MYH10: variants seen among roughly 807,000 people sequenced by gnomAD.
MYH10 encodes the protein myosin-10.
MYH10 carries 55 observed loss-of-function variants against 257.8 expected under a neutral mutation model. The observed-to-expected ratio is 0.21, with a 90% CI of 0.17 to 0.27. The LOEUF (loss-of-function observed/expected upper bound fraction) is 0.27, where lower values mean the gene tolerates loss of function less well. Among genes scored for constraint, MYH10 ranks in the 10% least tolerant of loss-of-function variants. MYH10 has a pLI of 1.00. For synonymous variants in MYH10, 854 were observed against 921.7 expected, an observed-to-expected ratio of 0.93 and a Z score of 1.33; for missense variants, 1,631 against 2,500.6, an observed-to-expected ratio of 0.65 and a Z score of 7.42.
chr17:8,487,014 C>G (rs748578045), intron 36 of MYH10, among the ~76,000 whole-genome samples: 18 of 152,190 alleles, frequency 1.2e-4, no homozygotes, highest in Non-Finnish European at 2.1e-4. Flanking sequence ...CTGCTCACAC[C>G]ATGAACTCTT....
chr17:8,607,785 G>A (rs1211835286), intron 2 of MYH10, among the ~76,000 whole-genome samples: 3 of 152,112 alleles, frequency 2.0e-5, no homozygotes, highest in African/African-American at 7.2e-5. Context: ...ACAAATAGAC[G>A]CACACTAAAC....
chr17:8,494,098 G>A (rs1916197471), intron 31 of MYH10, among the ~76,000 whole-genome samples: 2 of 152,166 alleles, frequency 1.3e-5, no homozygotes, highest in Admixed American at 1.3e-4. Context: ...TCTGAAAAAC[G>A]AATGGCGGCG....
intron 35 of MYH10, 65 bp from the exon 36 acceptor site, chr17:8,487,659 G>A (rs967079266): frequency 7.6e-6 from 12 of 1,585,606 alleles, no homozygotes; most frequent in African/African-American, 2.7e-5. Flanking sequence ...CAGGCAGACT[G>A]TTCTCAAGTG....
rs1282174280 is a variant in MYH10, at chr17:8,475,107, C to T, written c.*697G>A. ...CTCAGCTGCAGTGTGGCCACTATCCCTTCTATGCACAGACCAGCCCTCGCC... is the reference window on the plus strand; with the variant it reads ...CTCAGCTGCAGTGTGGCCACTATCCTTTCTATGCACAGACCAGCCCTCGCC... On this transcript the variant is annotated 3_prime_UTR_variant, in exon 43 of 43. Transcript: ENST00000360416. 1 of 152,332 alleles carries T rather than the reference C, an allele frequency of 6.6e-6. No homozygotes were observed. The highest frequency in any genetic ancestry group is 2.4e-5 in the African/African-American group (1 of 41,454). 9.4% of individuals were successfully genotyped at this position (152,332 alleles called of 1,614,324 possible).
At chr17:8,512,755 T>C in intron 23 of MYH10, 98 bp from the exon 24 acceptor site, 1 of 924,250 alleles carries the variant, frequency 1.1e-6, no homozygotes, top group East Asian at 2.7e-5. Context: ...TCAAAGAAAC[T>C]GGGAGATAAA....
At chr17:8,612,772 A>G (rs1296952895) in intron 2 of MYH10, among the ~76,000 whole-genome samples, 1 of 151,886 alleles carries the variant, frequency 6.6e-6, no homozygotes, top group Non-Finnish European at 1.5e-5. Flanking sequence ...AATTGCTTGA[A>G]CTGGCAGGTG....
At chr17:8,550,865 A>G (rs1424892695) in intron 9 of MYH10, among the ~76,000 whole-genome samples, 1 of 152,030 alleles carries the variant, frequency 6.6e-6, no homozygotes, top group Non-Finnish European at 1.5e-5. Context: ...TCTCTGAAAC[A>G]TGTACTGTGT....
chr17:8,585,448 C>A (rs2083883314), intron 4 of MYH10, among the ~76,000 whole-genome samples: 1 of 151,612 alleles, frequency 6.6e-6, no homozygotes, highest in South Asian at 2.1e-4. Context: ...ACTTAATTAG[C>A]TTGGCGGTGG....
At chr17:8,571,305 G>A (rs2083333719) in intron 6 of MYH10, among the ~76,000 whole-genome samples, 1 of 151,236 alleles carries the variant, frequency 6.6e-6, no homozygotes, top group Admixed American at 6.6e-5. Context: ...CTCCCGAGTA[G>A]CTGGGACTAC....
chr17:8,519,398 G>A (rs911737916), intron 19 of MYH10, among the ~76,000 whole-genome samples: 2 of 152,078 alleles, frequency 1.3e-5, no homozygotes, highest in Non-Finnish European at 2.9e-5. Flanking sequence ...AAATATCAGG[G>A]TGACATGTGA....
At chr17:8,498,327 AT>A (rs1916987070) in intron 30 of MYH10, among the ~76,000 whole-genome samples, 2 of 151,968 alleles carry the variant, frequency 1.3e-5, no homozygotes, top group African/African-American at 4.8e-5. Flanking sequence ...GCATCAGAAG[AT>A]TTTGGTATCT....
intron 31 of MYH10, 149 bp downstream of exon 31, chr17:8,494,988 C>T (rs978080344): frequency 1.2e-5 from 7 of 606,258 alleles, no homozygotes; most frequent in African/African-American, 1.9e-5. Flanking sequence ...GGAGAAATCC[C>T]GAGTAGCAAG....
At chr17:8,524,078 A>G (rs2081753074) in intron 17 of MYH10, among the ~76,000 whole-genome samples, 1 of 152,072 alleles carries the variant, frequency 6.6e-6, no homozygotes, top group Non-Finnish European at 1.5e-5. Context: ...ACTTTTATCT[A>G]GGGGAGACCA....
intron 17 of MYH10, among the ~76,000 whole-genome samples, chr17:8,528,965 CAGAG>C (rs1386077589): frequency 1.3e-5 from 2 of 152,166 alleles, no homozygotes; most frequent in Admixed American, 1.3e-4. Context: ...GGACACCTCA[CAGAG>C]AGAGACAGAA....
In MYH10 at chr17:8,610,271, C is replaced by CAAAAAA. The variant is rs71361810; in HGVS notation, c.346-5295_346-5290dup. On this transcript the variant is annotated intron_variant, in intron 2 of 42. Transcript: ENST00000360416. ...GTTTATAGGGAGCACCATAGGATTG[C>CAAAAAA]AAAAAAAAAAAAAAAAAAAAAGGGT... Among the ~76,000 whole-genome samples, 126 of 45,972 alleles carry CAAAAAA rather than the reference C, an allele frequency of 2.7e-3. 15 individuals carry two copies. The highest frequency in any genetic ancestry group is 0.011 in the African/African-American group (112 of 9,864). The allele number at this position is 45,972 out of a possible 152,430, so 30.2% of individuals were successfully genotyped here.
At chr17:8,517,505 T>C (rs1322555709) in intron 21 of MYH10, among the ~76,000 whole-genome samples, 1 of 152,210 alleles carries the variant, frequency 6.6e-6, no homozygotes, top group Non-Finnish European at 1.5e-5. Context: ...CCCGAAGTGT[T>C]CAGTAGAAAG....
intron 17 of MYH10, among the ~76,000 whole-genome samples, chr17:8,530,114 T>C (rs2081968200): frequency 6.6e-6 from 1 of 152,186 alleles, no homozygotes; most frequent in Non-Finnish European, 1.5e-5. Context: ...ACAAAAGGTA[T>C]AATGATGAGA....
At chr17:8,479,913 C>A (rs760231624) in intron 40 of MYH10, among the ~76,000 whole-genome samples, 197 bp downstream of exon 40, 1 of 152,208 alleles carries the variant, frequency 6.6e-6, no homozygotes, top group Admixed American at 6.5e-5. Flanking sequence ...TGACTGTTCA[C>A]GGATGCCGTC....
intron 7 of MYH10, among the ~76,000 whole-genome samples, chr17:8,566,148 C>T (rs879645763): frequency 9.2e-5 from 14 of 152,198 alleles, no homozygotes; most frequent in East Asian, 1.9e-4. Flanking sequence ...CTCCAGACAC[C>T]GCCAACGTCC....
Sources: gnomAD v4.1 joint callset for allele counts (sites outside exome capture counted in the v4.1 genomes callset) on GRCh38, gnomAD v4.1.1 for gene constraint, MANE v1.5 for transcripts, NCBI Gene and HGNC (gene_info 2026-07-23, HGNC 2026-07-21) for gene names.